The following GALNT17 variants were observed in gnomAD, a reference collection of about 807,000 sequenced individuals.
The protein encoded by GALNT17 is UDP-GalNAc:polypeptide N-acetylgalactosaminyltransferase-like 3.
A neutral mutation model predicts 63.7 loss-of-function variants in GALNT17; 29 were observed. That is an observed-to-expected ratio of 0.46 (90% CI 0.34 to 0.62). The LOEUF (loss-of-function observed/expected upper bound fraction) is 0.62. Ranked by LOEUF, GALNT17 falls within the 20% of genes least tolerant of loss-of-function variation. The pLI is 0.01. For missense variants in GALNT17, 603 were observed against 799.6 expected, an observed-to-expected ratio of 0.75 and a Z score of 2.97; for synonymous variants, 305 against 318.3, an observed-to-expected ratio of 0.96 and a Z score of 0.45.
chr7:71,559,220 T>C (rs372682928), intron 5 of GALNT17, among the ~76,000 whole-genome samples: 1 of 152,112 alleles, frequency 6.6e-6, no homozygotes, highest in East Asian at 1.9e-4. Flanking sequence ...CTCTGGGCAT[T>C]AAATTACCGT....
intron 6 of GALNT17, among the ~76,000 whole-genome samples, chr7:71,576,819 C>T (rs962505166): frequency 2.0e-5 from 3 of 152,122 alleles, no homozygotes; most frequent in African/African-American, 4.8e-5. Flanking sequence ...CTGCCCGCTT[C>T]GGTCTCCCAA....
At chr7:71,301,971 C>T (rs1321397255) in intron 1 of GALNT17, among the ~76,000 whole-genome samples, 1 of 152,090 alleles carries the variant, frequency 6.6e-6, no homozygotes, top group Non-Finnish European at 1.5e-5. Context: ...CATCACAAAC[C>T]ATGTGTCTTA....
chr7:71,401,018 A>G (rs891766127), intron 3 of GALNT17, among the ~76,000 whole-genome samples: 17 of 152,220 alleles, frequency 1.1e-4, no homozygotes, highest in African/African-American at 3.9e-4. Context: ...CTTTAGCCAT[A>G]AAGTTTTCCT....
intron 9 of GALNT17, among the ~76,000 whole-genome samples, chr7:71,710,135 C>T (rs1463044646): frequency 1.3e-5 from 2 of 152,146 alleles, no homozygotes; most frequent in African/African-American, 4.8e-5. Context: ...ATTAGACATC[C>T]AGCTTCTTCA....
At chr7:71,249,728 A>G (rs984272470) in intron 1 of GALNT17, among the ~76,000 whole-genome samples, 41 of 152,226 alleles carry the variant, frequency 2.7e-4, no homozygotes, top group African/African-American at 9.4e-4. Flanking sequence ...TCAATACTGG[A>G]AAAGATACCC....
intron 1 of GALNT17, among the ~76,000 whole-genome samples, chr7:71,307,965 G>T (rs1229902831): frequency 6.6e-6 from 1 of 151,836 alleles, no homozygotes; most frequent in Non-Finnish European, 1.5e-5. Context: ...GAGAAAAGGG[G>T]CACAGCAGGT....
At chr7:71,514,500 A>C (rs1354387268) in intron 5 of GALNT17, among the ~76,000 whole-genome samples, 1 of 151,882 alleles carries the variant, frequency 6.6e-6, no homozygotes, top group East Asian at 1.9e-4. Context: ...TACTATTGTA[A>C]ATCTCTACCA....
rs530905229 is a variant in GALNT17 at position 71,194,080 on chromosome 7, C to T, written c.238+61040C>T. Among the ~76,000 whole-genome samples the T allele has an allele frequency of 3.3e-5, 5 of 152,258 alleles. No individual in the cohort carries two copies. In the East Asian group the frequency reaches 9.7e-4, roughly 30 times the overall value. ...TTTATTTTTGAGACAGGGTCTTGTT[C>T]TGTCACCCAGGCTGGAGTGCAATGA... On this transcript the variant is annotated intron_variant, in intron 1 of 10. Transcript: ENST00000333538.
At chr7:71,670,597 A>G (rs1471671086) in intron 8 of GALNT17, among the ~76,000 whole-genome samples, 1 of 152,198 alleles carries the variant, frequency 6.6e-6, no homozygotes, top group Non-Finnish European at 1.5e-5. Context: ...TACCATCAAT[A>G]TGCATTTGAG....
At chr7:71,636,881 G>A (rs1790534977) in intron 6 of GALNT17, among the ~76,000 whole-genome samples, 1 of 152,150 alleles carries the variant, frequency 6.6e-6, no homozygotes, top group Non-Finnish European at 1.5e-5. Context: ...TGGAAGTGAT[G>A]GAGAACAGAC....
chr7:71,494,910 C>G (rs1788070098), intron 5 of GALNT17, among the ~76,000 whole-genome samples: 1 of 152,178 alleles, frequency 6.6e-6, no homozygotes, highest in South Asian at 2.1e-4. Flanking sequence ...GACTTACTCA[C>G]TACCACAAGA....
chr7:71,557,822 C>T (rs538415346), intron 5 of GALNT17, among the ~76,000 whole-genome samples: 23 of 151,092 alleles, frequency 1.5e-4, no homozygotes, highest in Middle Eastern at 3.5e-3. Flanking sequence ...TCTGTAATCC[C>T]AGCACTTTGG....
chr7:71,565,845 CTTTT>C (rs71738437), intron 5 of GALNT17, among the ~76,000 whole-genome samples: 3 of 127,836 alleles, frequency 2.3e-5, no homozygotes, highest in Admixed American at 8.1e-5. Flanking sequence ...CTTCTCTTTT[CTTTT>C]TTTTTTTTTT....
At chr7:71,691,572 A>T (rs527334822) in intron 9 of GALNT17, among the ~76,000 whole-genome samples, 1 of 152,188 alleles carries the variant, frequency 6.6e-6, no homozygotes, top group African/African-American at 2.4e-5. Context: ...TGGATTGATG[A>T]GCTATTCTTT....
At chr7:71,216,716 A>G (rs898792461) in intron 1 of GALNT17, among the ~76,000 whole-genome samples, 2 of 152,026 alleles carry the variant, frequency 1.3e-5, no homozygotes, top group African/African-American at 4.8e-5. Context: ...ACAGACACAA[A>G]TACGCACACA....
chr7:71,506,463 C>T (rs11767777), intron 5 of GALNT17, among the ~76,000 whole-genome samples: 89,432 of 151,798 alleles, frequency 0.59, 27,959 homozygotes, highest in Non-Finnish European at 0.71. Flanking sequence ...GACTGGGTTT[C>T]ACCATATTGG....
intron 6 of GALNT17, 57 bp from the exon 7 acceptor site, chr7:71,665,354 G>A: frequency 1.3e-6 from 2 of 1,531,428 alleles, no homozygotes; most frequent in Non-Finnish European, 1.8e-6. Flanking sequence ...GGCTTGGGGA[G>A]GGGGCATAGC....
intron 8 of GALNT17, among the ~76,000 whole-genome samples, chr7:71,673,968 C>T (rs1336395795): frequency 6.6e-6 from 1 of 152,226 alleles, no homozygotes; most frequent in African/African-American, 2.4e-5. Context: ...CTGCACAACT[C>T]CAGGAGCTGC....
intron 1 of GALNT17, among the ~76,000 whole-genome samples, chr7:71,257,231 T>G (rs1790305368): frequency 6.6e-6 from 1 of 152,150 alleles, no homozygotes. Flanking sequence ...TGCATCCTCA[T>G]TTTTCACACG....
Sources: allele counts gnomAD v4.1 joint callset (sites outside exome capture counted in the v4.1 genomes callset), GRCh38; gene constraint gnomAD v4.1.1; transcripts MANE v1.5; gene names NCBI Gene and HGNC (gene_info 2026-07-23, HGNC 2026-07-21).